The following XPOT variants were observed in gnomAD, a reference collection of about 807,000 sequenced individuals.
XPOT encodes exportin-T.
In XPOT, 34 loss-of-function variants were observed where a neutral mutation model predicts 128.2. The ratio of observed to expected loss-of-function variants is 0.27; its 90% CI spans 0.20 to 0.35. XPOT has a LOEUF of 0.35. XPOT is among the 10% of genes least tolerant of loss of function. The pLI is 1.00. For missense variants in XPOT, 838 were observed against 1,125.3 expected (o/e 0.74, Z 3.65); for synonymous variants, 348 against 394.3 (o/e 0.88, Z 1.39).
chr12:64,428,940 T>C (rs2040214885), intron 16 of XPOT, among the ~76,000 whole-genome samples: 1 of 152,174 alleles, frequency 6.6e-6, no homozygotes, highest in East Asian at 1.9e-4. Flanking sequence ...GTCACTATGG[T>C]TAGTAGTTGT....
At chr12:64,418,161 A>T in intron 5 of XPOT, 46 bp downstream of exon 5, 1 of 1,537,046 alleles carries the variant, frequency 6.5e-7, no homozygotes, top group South Asian at 1.2e-5. Context: ...TAGATATTTA[A>T]ACTTATTTTT....
chr12:64,406,266 G>T (rs901846544), intron 1 of XPOT, among the ~76,000 whole-genome samples: 5 of 151,706 alleles, frequency 3.3e-5, no homozygotes, highest in Non-Finnish European at 5.9e-5. Flanking sequence ...AGTAGAGACG[G>T]CGTTTCACCG....
chr12:64,407,477 C>A (rs1294258202), intron 1 of XPOT, among the ~76,000 whole-genome samples: 1 of 141,536 alleles, frequency 7.1e-6, no homozygotes, highest in African/African-American at 2.7e-5. Flanking sequence ...CAGAGTGAGA[C>A]TGTCTCAAAA....
At position 64,433,584 on chromosome 12, in the gene XPOT, C is replaced by T. The variant is rs749009245; in HGVS notation, c.2433C>T (p.Ser811=). ...AAACAGTCACAGGCAGTGGGATGAGCGAAGTTATAGCAAATCAAGGTGGGA... is the reference window on the plus strand; with the variant it reads ...AAACAGTCACAGGCAGTGGGATGAGTGAAGTTATAGCAAATCAAGGTGGGA... The part of the protein sequence containing the change: ...FLQTVTGSGM[S]EVIANQGAEN... The change falls in exon 19 of 25, where the codon AGC becomes AGT. Residue 811 remains serine, a synonymous_variant. Transcript: ENST00000332707. 5.6e-6 allele frequency: 9 copies of T among 1,603,974 alleles called. No individual in the cohort carries two copies. Among genetic ancestry groups the T allele is most frequent in the South Asian group, 5.6e-5 (5 of 89,800 alleles).
At chr12:64,419,708 A>G (rs2040120888) in intron 6 of XPOT, among the ~76,000 whole-genome samples, 1 of 152,228 alleles carries the variant, frequency 6.6e-6, no homozygotes, top group Non-Finnish European at 1.5e-5. Flanking sequence ...ATACTGCTAT[A>G]TAGTCCCTGA....
Position 64,433,590 on chromosome 12 carries a change from T to G in XPOT, c.2439T>G (p.Val813=), listed in dbSNP as rs774038664. 19 of 1,602,220 alleles carry G rather than the reference T, an allele frequency of 1.2e-5. No homozygotes were observed. Among genetic ancestry groups the G allele is most frequent in the Non-Finnish European group, 1.5e-5 (18 of 1,172,538 alleles). The part of the protein sequence containing the change: ...QTVTGSGMSE[V]IANQGAENVE... ...TCACAGGCAGTGGGATGAGCGAAGT[T>G]ATAGCAAATCAAGGTGGGAACACAT... is the stretch of plus-strand genomic sequence containing the variant. Residue 813 remains valine (V), a synonymous_variant, in exon 19 of 25, where the codon GTT becomes GTG. Transcript: ENST00000332707.
rs2040153288 is a variant in XPOT at position 64,422,931 on chromosome 12, T to C, written c.1081-74T>C. ...AAAAAAAAAAAAAACCAGGTCTTAA[T>C]TGATTCGAAAAATGTTCTGATATGC... On this transcript the variant is annotated intron_variant, in intron 9 of 24. Transcript: ENST00000332707. 2.8e-6 allele frequency: 4 copies of C among 1,420,294 alleles called. No individual in the cohort carries two copies. In the South Asian group the frequency reaches 5.0e-5, roughly 18 times the overall value. 88.0% of individuals were successfully genotyped at this position (1,420,294 alleles called of 1,614,324 possible).
chr12:64,435,378 A>G (rs2040274136), intron 21 of XPOT, among the ~76,000 whole-genome samples: 1 of 152,178 alleles, frequency 6.6e-6, no homozygotes, highest in South Asian at 2.1e-4. Flanking sequence ...TAAAAGCTAG[A>G]TTTCATAATT....
intron 1 of XPOT, among the ~76,000 whole-genome samples, chr12:64,408,276 A>AT (rs1433368415): frequency 6.6e-6 from 1 of 151,694 alleles, no homozygotes; most frequent in Non-Finnish European, 1.5e-5. Context: ...TGCTCCACTA[A>AT]TTTTTTTGTA....
Position 64,407,282 on chromosome 12 carries a change from C to T in XPOT, c.-75+2478C>T, listed in dbSNP as rs1306271101. 3.3e-5 allele frequency among the ~76,000 whole-genome samples: 5 copies of T among 151,900 alleles called. No individual in the cohort carries two copies. The East Asian group carries it at 5.8e-4, about 18-fold the overall frequency. ...GGCAGATCACCTGAGATTAGGGGTTCGAGACCAGCCTGGGCAACATGGTGA... is the reference window on the plus strand; with the variant it reads ...GGCAGATCACCTGAGATTAGGGGTTTGAGACCAGCCTGGGCAACATGGTGA... On this transcript the variant is annotated intron_variant, in intron 1 of 24. Coordinates refer to ENST00000332707, the MANE Select transcript of XPOT (RefSeq NM_007235.6).
chr12:64,409,788 G>A (rs1467826352), intron 1 of XPOT, 174 bp from the exon 2 acceptor site: 1 of 486,482 alleles, frequency 2.1e-6, no homozygotes, highest in Non-Finnish European at 3.7e-6. Flanking sequence ...AGTTAGCAGA[G>A]CCCATTTTTC....
chr12:64,422,905 A>C (rs1468146495), intron 9 of XPOT, 100 bp from the exon 10 acceptor site: 1 of 1,076,480 alleles, frequency 9.3e-7, no homozygotes, highest in Non-Finnish European at 1.3e-6. Flanking sequence ...CTTGTCTCAA[A>C]AAAAAAAAAA....
chr12:64,422,976 C>T (rs1319018771), intron 9 of XPOT, 29 bp from the exon 10 acceptor site: 1 of 1,606,336 alleles, frequency 6.2e-7, no homozygotes, highest in East Asian at 2.2e-5. Context: ...TTTAGAAAAC[C>T]TAATAAGTTA....
At chr12:64,416,675 C>A in intron 3 of XPOT, 23 bp from the exon 4 acceptor site, 1 of 1,596,924 alleles carries the variant, frequency 6.3e-7, no homozygotes, top group South Asian at 1.1e-5. Context: ...CTGCTTATCT[C>A]ATTTTCTTTT....
chr12:64,420,187 T>C lies in XPOT; in HGVS notation c.607T>C (p.Cys203Arg). 1 of 1,612,590 alleles carries C rather than the reference T, an allele frequency of 6.2e-7. No homozygotes were observed. ...NYQFTNSEVT[C>R]QCLEVVGAYV... ...TCAGTTTACTAATTCTGAAGTGACG[T>C]GTCAGTGCCTTGAAGTAGTTGGGGC... The change falls in exon 7 of 25, where the codon TGT becomes CGT. Residue 203 changes from cysteine to arginine, a missense_variant. Cys to Arg is a radical substitution (Grantham distance 180, BLOSUM62 -3). This residue lies in a region of XPOT where 761 missense variants were observed against 988.3 expected (regional missense o/e 0.77). Coordinates refer to ENST00000332707, the MANE Select transcript of XPOT (RefSeq NM_007235.6).
rs79646055 is a variant in XPOT, at chr12:64,450,174, T to G, written c.*2043T>G. On this transcript the variant is annotated 3_prime_UTR_variant, in exon 25 of 25. Transcript: ENST00000332707. ...TATACTTTTTTTTTCTTTTTTTTTT[T>G]TGAATAGAGATCAGTCTATCACCCA... The G allele has an allele frequency of 1.3e-5, 2 of 152,070 alleles. No homozygotes were observed. The highest frequency in any genetic ancestry group is 2.9e-5 in the Non-Finnish European group (2 of 67,996). 9.4% of individuals were successfully genotyped at this position (152,070 alleles called of 1,614,324 possible).
intron 2 of XPOT, among the ~76,000 whole-genome samples, chr12:64,413,880 C>A (rs1004703828): frequency 1.3e-5 from 2 of 152,168 alleles, no homozygotes; most frequent in Non-Finnish European, 2.9e-5. Flanking sequence ...AATTATTGTT[C>A]AGGACCCATA....
rs775401288 is a variant in XPOT at position 64,421,329 on chromosome 12, G to A, written c.938G>A (p.Gly313Glu). Residue 313 changes from glycine to glutamate, a missense_variant, in exon 9 of 25, where the codon GGG becomes GAG. Physicochemically the swap from Gly to Glu is moderately conservative, Grantham distance 98. Around this residue, in one of 3 missense-constraint regions of XPOT, gnomAD observed 761 missense variants for 988.3 expected, o/e 0.77. Coordinates refer to ENST00000332707, the MANE Select transcript of XPOT (RefSeq NM_007235.6). ...IVSWSKLIKN[G>E]DIKNAQEALQ... Reference sequence around the variant, plus strand: ...AGTTGGAGTAAATTAATTAAGAATGGGGATATTAAGAATGCTCAAGAGGCA... The same window carrying A: ...AGTTGGAGTAAATTAATTAAGAATGAGGATATTAAGAATGCTCAAGAGGCA... 8.1e-6 allele frequency: 13 copies of A among 1,613,982 alleles called. No individual in the cohort carries two copies. Among genetic ancestry groups the A allele is most frequent in the Non-Finnish European group, 1.1e-5 (13 of 1,179,940 alleles).
chr12:64,417,745 C>T (rs1042769108), intron 4 of XPOT, among the ~76,000 whole-genome samples: 43 of 152,316 alleles, frequency 2.8e-4, no homozygotes, highest in African/African-American at 1.0e-3. Context: ...ATTCCTAGTT[C>T]ACCTATTGGT....
Sources: allele counts gnomAD v4.1 joint callset (sites outside exome capture counted in the v4.1 genomes callset), GRCh38; gene constraint gnomAD v4.1.1; regional missense constraint gnomAD v4.1.1; transcripts MANE v1.5; gene names NCBI Gene and HGNC (gene_info 2026-07-23, HGNC 2026-07-21).